PPM1H: variants seen among roughly 807,000 people sequenced by gnomAD.
The protein encoded by PPM1H is protein phosphatase 1H.
In PPM1H, 27 loss-of-function variants were observed where a neutral mutation model predicts 54.9. The observed-to-expected ratio is 0.49, with a 90% CI of 0.36 to 0.68. PPM1H has a LOEUF of 0.68. Ranked by LOEUF, PPM1H falls within the 30% of genes least tolerant of loss-of-function variation. PPM1H has a pLI of 0.00. For synonymous variants in PPM1H, 305 were observed against 270.8 expected, an observed-to-expected ratio of 1.13 and a Z score of -1.24; for missense variants, 596 against 667.8, an observed-to-expected ratio of 0.89 and a Z score of 1.19.
At chr12:62,791,001 G>T (rs1009245118) in intron 3 of PPM1H, among the ~76,000 whole-genome samples, 5 of 152,162 alleles carry the variant, frequency 3.3e-5, no homozygotes, top group Middle Eastern at 3.2e-3. Flanking sequence ...GCTCATCTTA[G>T]ACCCTCAACA....
intron 4 of PPM1H, among the ~76,000 whole-genome samples, chr12:62,743,889 T>C (rs952015983): frequency 2.0e-5 from 3 of 152,110 alleles, no homozygotes; most frequent in Admixed American, 2.0e-4. Context: ...AACAACAATA[T>C]ATAGTTTTCA....
intron 4 of PPM1H, among the ~76,000 whole-genome samples, chr12:62,769,980 C>T (rs2076568713): frequency 6.6e-6 from 1 of 152,022 alleles, no homozygotes; most frequent in African/African-American, 2.4e-5. Flanking sequence ...ATAAGATGAA[C>T]CCAGAGTAGC....
intron 1 of PPM1H, among the ~76,000 whole-genome samples, chr12:62,917,335 G>A (rs563291703): frequency 1.3e-5 from 2 of 152,298 alleles, no homozygotes; most frequent in South Asian, 2.1e-4. Context: ...AGACAACTTG[G>A]GGCTAAATGA....
At chr12:62,840,540 G>A (rs1868707321) in intron 1 of PPM1H, among the ~76,000 whole-genome samples, 1 of 152,166 alleles carries the variant, frequency 6.6e-6, no homozygotes, top group South Asian at 2.1e-4. Flanking sequence ...AACAAAAGAA[G>A]AGTCAGGGGA....
chr12:62,718,327 T>G (rs927944765), intron 6 of PPM1H, among the ~76,000 whole-genome samples: 2 of 152,194 alleles, frequency 1.3e-5, no homozygotes, highest in African/African-American at 4.8e-5. Context: ...ATCCCTCTAT[T>G]TAGGCCTCGA....
At chr12:62,657,183 C>A (rs936379376) in intron 9 of PPM1H, among the ~76,000 whole-genome samples, 2 of 152,154 alleles carry the variant, frequency 1.3e-5, no homozygotes, top group Non-Finnish European at 2.9e-5. Context: ...AGTTCCCCAC[C>A]CCCATGAGAG....
intron 1 of PPM1H, among the ~76,000 whole-genome samples, chr12:62,910,962 AT>A (rs775004635): frequency 1.3e-5 from 2 of 152,236 alleles, no homozygotes; most frequent in African/African-American, 2.4e-5. Flanking sequence ...TTATGTAAAT[AT>A]TTGAGCACCT....
At chr12:62,728,212 T>G (rs1456436517) in intron 5 of PPM1H, among the ~76,000 whole-genome samples, 5 of 152,156 alleles carry the variant, frequency 3.3e-5, no homozygotes, top group Admixed American at 6.5e-5. Context: ...TCTTAGGGAC[T>G]CTAAAGAGCA....
intron 8 of PPM1H, among the ~76,000 whole-genome samples, chr12:62,681,527 T>C (rs933592661): frequency 3.3e-4 from 50 of 152,238 alleles, no homozygotes; most frequent in African/African-American, 1.2e-3. Flanking sequence ...TTAGCTTTAT[T>C]AGAGCTAACA....
chr12:62,929,399 C>G (rs1169536199), intron 1 of PPM1H, among the ~76,000 whole-genome samples: 5 of 152,158 alleles, frequency 3.3e-5, no homozygotes, highest in East Asian at 3.9e-4. Context: ...TTAGGCAAAT[C>G]ACAGAACTAT....
chr12:62,743,887 T>C (rs1440520549), intron 4 of PPM1H, among the ~76,000 whole-genome samples: 1 of 152,098 alleles, frequency 6.6e-6, no homozygotes, highest in African/African-American at 2.4e-5. Flanking sequence ...AAAACAACAA[T>C]ATATAGTTTT....
At chr12:62,719,058 G>T (rs754681883) in intron 6 of PPM1H, among the ~76,000 whole-genome samples, 2 of 152,154 alleles carry the variant, frequency 1.3e-5, no homozygotes, top group Non-Finnish European at 2.9e-5. Flanking sequence ...TGACTCTTAG[G>T]TCATAGTTTG....
chr12:62,698,705 G>A (rs2076127203), intron 6 of PPM1H, among the ~76,000 whole-genome samples: 2 of 151,916 alleles, frequency 1.3e-5, no homozygotes, highest in Admixed American at 1.3e-4. Flanking sequence ...TTTCCATTAT[G>A]TGTATTTTTT....
At chr12:62,869,493 T>C (rs907872494) in intron 1 of PPM1H, among the ~76,000 whole-genome samples, 1 of 152,188 alleles carries the variant, frequency 6.6e-6, no homozygotes, top group African/African-American at 2.4e-5. Context: ...GCAATGTGAC[T>C]TCAGAAACTA....
intron 1 of PPM1H, among the ~76,000 whole-genome samples, chr12:62,893,776 C>T (rs958069117): frequency 1.3e-5 from 2 of 152,116 alleles, no homozygotes; most frequent in Admixed American, 1.3e-4. Flanking sequence ...TGTGAACCAC[C>T]ACACCCCGCG....
At chr12:62,913,822 T>C (rs1871535959) in intron 1 of PPM1H, among the ~76,000 whole-genome samples, 1 of 152,066 alleles carries the variant, frequency 6.6e-6, no homozygotes, top group Non-Finnish European at 1.5e-5. Flanking sequence ...TGCCCCAGCC[T>C]CCTGAGTAGC....
At chr12:62,657,760 G>T (rs1192007431) in intron 9 of PPM1H, among the ~76,000 whole-genome samples, 1 of 152,146 alleles carries the variant, frequency 6.6e-6, no homozygotes, top group Non-Finnish European at 1.5e-5. Context: ...TCATATTAGG[G>T]TAATGCAAAC....
chr12:62,692,273 CG>C (rs1322199502), intron 7 of PPM1H, among the ~76,000 whole-genome samples: 2 of 152,124 alleles, frequency 1.3e-5, no homozygotes, highest in East Asian at 1.9e-4. Context: ...AACAGGTACA[CG>C]GACAGAACTT....
chr12:62,666,127 G>C (rs935409989), intron 9 of PPM1H, among the ~76,000 whole-genome samples: 1 of 152,098 alleles, frequency 6.6e-6, no homozygotes, highest in Non-Finnish European at 1.5e-5. Flanking sequence ...ACCCAGGCTG[G>C]AGTGCAGTGG....
Sources: allele counts gnomAD v4.1 joint callset (sites outside exome capture counted in the v4.1 genomes callset), GRCh38; gene constraint gnomAD v4.1.1; transcripts MANE v1.5; gene names NCBI Gene and HGNC (gene_info 2026-07-23, HGNC 2026-07-21).